The following PLCG2 variants were observed in gnomAD, a reference collection of about 807,000 sequenced individuals.
PLCG2 encodes the protein 1-phosphatidylinositol 4,5-bisphosphate phosphodiesterase gamma-2.
A neutral mutation model predicts 175.6 loss-of-function variants in PLCG2; 69 were observed. The observed-to-expected ratio is 0.39, with a 90% CI of 0.32 to 0.48. The LOEUF (loss-of-function observed/expected upper bound fraction) is 0.48. PLCG2 is among the 20% of genes least tolerant of loss of function. The probability of loss-of-function intolerance (pLI) is 0.91; values close to 1 mark genes in which losing one functional copy is unlikely to be tolerated. For missense variants in PLCG2, 1,798 were observed against 1,650.9 expected, an observed-to-expected ratio of 1.09 and a Z score of -1.54; for synonymous variants, 827 against 624.0, an observed-to-expected ratio of 1.33 and a Z score of -4.85.
In PLCG2 at chr16:81,940,075, A is replaced by G. The variant is rs754348029; in HGVS notation, c.3481+16A>G. 42 of 1,591,402 alleles carry G rather than the reference A, an allele frequency of 2.6e-5. 1 individual carries two copies. The South Asian group carries it at 3.9e-4, about 15-fold the overall frequency. Reference sequence around the variant, plus strand: ...GTCAAATCAGGTAAGAGGCATTTTAATTAAGATGTTCGATTTGGGCTGGCG... The same window carrying G: ...GTCAAATCAGGTAAGAGGCATTTTAGTTAAGATGTTCGATTTGGGCTGGCG... On this transcript the variant is annotated intron_variant, in intron 30 of 32. Coordinates refer to ENST00000564138, the MANE Select transcript of PLCG2 (RefSeq NM_002661.5).
upstream of PLCG2, among the ~76,000 whole-genome samples, chr16:81,776,081 C>CTT (rs1567456687): frequency 6.1e-4 from 68 of 110,686 alleles, 11 homozygotes; most frequent in Middle Eastern, 4.3e-3. Flanking sequence ...CTTTCTCTCT[C>CTT]TCTCTCTCTT....
upstream of PLCG2, among the ~76,000 whole-genome samples, chr16:81,776,930 A>G (rs1391179305): frequency 6.6e-6 from 1 of 152,108 alleles, no homozygotes; most frequent in African/African-American, 2.4e-5. Flanking sequence ...CTTTCAATCC[A>G]CTGATTCCTT....
Position 81,750,663 on chromosome 16 carries a change from A to ATTTGTTTTTTTTTTTTTT in PLCG2, c.-144-5204_-144-5203insGTTTTTTTTTTTTTTTTT, listed in dbSNP as rs1909790978. On this transcript the variant is annotated intron_variant, in intron 1 of 5. Coordinates refer to the PLCG2 transcript ENST00000565054. The stretch of plus-strand genomic sequence containing the variant: ...TTAAAAAGCAGAATGGGGACTGGAG[A>ATTTGTTTTTTTTTTTTTT]TTTTTTTTTTTTTTTTTTTTTTGAG... 2.9e-5 allele frequency among the ~76,000 whole-genome samples: 2 copies of ATTTGTTTTTTTTTTTTTT among 68,446 alleles called. 1 individual carries two copies. Among genetic ancestry groups the ATTTGTTTTTTTTTTTTTT allele is most frequent in the African/African-American group, 1.0e-4 (2 of 19,850 alleles). 44.9% of individuals were successfully genotyped at this position (68,446 alleles called of 152,430 possible).
intron 2 of PLCG2, among the ~76,000 whole-genome samples, chr16:81,799,294 C>T (rs1029017559): frequency 2.6e-5 from 4 of 152,134 alleles, no homozygotes; most frequent in Non-Finnish European, 5.9e-5. Context: ...TCTTTTTGTC[C>T]AACAAAACTT....
intron 9 of PLCG2, among the ~76,000 whole-genome samples, chr16:81,888,337 A>C (rs1327490395): frequency 6.6e-6 from 1 of 152,002 alleles, no homozygotes; most frequent in Non-Finnish European, 1.5e-5. Context: ...CAGCCTCCTG[A>C]GTAGCTGGGA....
intron 2 of PLCG2, among the ~76,000 whole-genome samples, chr16:81,828,962 G>A (rs1389980040): frequency 6.6e-6 from 1 of 152,120 alleles, no homozygotes; most frequent in African/African-American, 2.4e-5. Context: ...TTTCCTGTGT[G>A]GGCCATTCTC....
In PLCG2 at chr16:81,799,688, G is replaced by C. The variant is rs572711110; in HGVS notation, c.193+13506G>C. ...GCTCACTGCAAGCTCCGCCTCCCAG[G>C]TTCACACCATTCTCCTGCCTCAACC... On this transcript the variant is annotated intron_variant, in intron 2 of 32. Transcript: ENST00000564138. Among the ~76,000 whole-genome samples the C allele has an allele frequency of 4.1e-3, 618 of 151,522 alleles. 5 individuals are homozygous for C. The highest frequency in any genetic ancestry group is 0.017 in the Middle Eastern group (5 of 294).
intron 5 of PLCG2, among the ~76,000 whole-genome samples, chr16:81,862,098 A>G (rs1907010829): frequency 6.6e-6 from 1 of 152,224 alleles, no homozygotes. Context: ...GATGCCAATG[A>G]AAGAGCAACT....
chr16:81,870,648 A>G (rs1359746398), intron 6 of PLCG2, among the ~76,000 whole-genome samples: 1 of 152,198 alleles, frequency 6.6e-6, no homozygotes, highest in East Asian at 1.9e-4. Flanking sequence ...GATTTTAGCC[A>G]ATGTTGTAGA....
At chr16:81,886,698 CACTT>C (rs550829303) in intron 9 of PLCG2, among the ~76,000 whole-genome samples, 84 of 152,254 alleles carry the variant, frequency 5.5e-4, no homozygotes, top group Non-Finnish European at 9.4e-4. Flanking sequence ...TGACTGGGAC[CACTT>C]ACTTAATGAC....
chr16:81,957,864 G>A (rs1911637979), intron 32 of PLCG2, 92 bp from the exon 33 acceptor site: 1 of 1,155,764 alleles, frequency 8.7e-7, no homozygotes, highest in African/African-American at 1.5e-5. Flanking sequence ...ATGAATGACT[G>A]GCAAATGTAC....
intron 29 of PLCG2, among the ~76,000 whole-genome samples, chr16:81,939,309 C>A (rs1006193427): frequency 2.0e-5 from 3 of 152,118 alleles, no homozygotes; most frequent in Admixed American, 1.3e-4. Context: ...ATCTTAGCCC[C>A]TAGAGGGCAG....
chr16:81,891,299 A>T (rs184218955), intron 10 of PLCG2, among the ~76,000 whole-genome samples, 173 bp from the exon 11 acceptor site: 1 of 152,300 alleles, frequency 6.6e-6, no homozygotes, highest in East Asian at 1.9e-4. Context: ...GCTGCAGCCC[A>T]TTGCAGCCTG....
chr16:81,786,008 G>C lies in PLCG2; in HGVS notation c.19G>C (p.Val7Leu). 5 of 1,614,120 alleles carry C rather than the reference G, an allele frequency of 3.1e-6. No homozygotes were observed. The highest frequency in any genetic ancestry group is 4.2e-6 in the Non-Finnish European group (5 of 1,179,994). The stretch of plus-strand genomic sequence containing the variant: ...GCCGACAATGTCCACCACGGTCAAT[G>C]TAGATTCCCTTGCGGAATATGAGAA... MSTTVN[V>L]DSLAEYEKSQ... Residue 7 changes from valine (V) to leucine (L), a missense_variant, in exon 2 of 33, where the codon GTA becomes CTA. Transcript: ENST00000564138.
intron 3 of PLCG2, among the ~76,000 whole-genome samples, chr16:81,855,967 A>G (rs970972174): frequency 6.6e-6 from 1 of 152,222 alleles, no homozygotes; most frequent in East Asian, 1.9e-4. Context: ...CCCCACCTGC[A>G]GGCTGAGCCC....
chr16:81,935,859 TTC>T (rs1361196540), intron 26 of PLCG2: 2 of 985,176 alleles, frequency 2.0e-6, no homozygotes, highest in Non-Finnish European at 1.2e-6. Flanking sequence ...ATTCTCCCTC[TTC>T]TATAACTGTA....
At chr16:81,768,073 A>G (rs1291270722) in intron 2 of PLCG2, among the ~76,000 whole-genome samples, 2 of 152,074 alleles carry the variant, frequency 1.3e-5, no homozygotes, top group African/African-American at 2.4e-5. Flanking sequence ...TATATTTAGT[A>G]CAGATGGGGT....
intron 31 of PLCG2, among the ~76,000 whole-genome samples, chr16:81,946,531 T>A (rs1911157369): frequency 6.6e-6 from 1 of 152,080 alleles, no homozygotes; most frequent in Non-Finnish European, 1.5e-5. Context: ...TTCCCCATAG[T>A]TTCACTTCAG....
At chr16:81,952,725 T>C (rs1911415567) in intron 31 of PLCG2, among the ~76,000 whole-genome samples, 2 of 152,232 alleles carry the variant, frequency 1.3e-5, no homozygotes, top group South Asian at 4.1e-4. Context: ...AAATGAATTC[T>C]GATTAATAAA....
Sources: allele counts gnomAD v4.1 joint callset (sites outside exome capture counted in the v4.1 genomes callset), GRCh38; gene constraint gnomAD v4.1.1; transcripts MANE v1.5; gene names NCBI Gene and HGNC (gene_info 2026-07-23, HGNC 2026-07-21).